RIMS2: variants seen among roughly 807,000 people sequenced by gnomAD.
RIMS2 encodes regulating synaptic membrane exocytosis protein 2.
RIMS2 carries 59 observed loss-of-function variants against 174.4 expected under a neutral mutation model. The ratio of observed to expected loss-of-function variants is 0.34; its 90% CI spans 0.27 to 0.42. The LOEUF is 0.42. Among genes scored for constraint, RIMS2 ranks in the 10% least tolerant of loss-of-function variants. The pLI is 1.00. For missense variants in RIMS2, 1,620 were observed against 1,666.3 expected (o/e 0.97, Z 0.48); for synonymous variants, 606 against 572.5 (o/e 1.06, Z -0.84).
At chr8:104,039,752 C>T (rs2096578024) in intron 19 of RIMS2, among the ~76,000 whole-genome samples, 1 of 151,632 alleles carries the variant, frequency 6.6e-6, no homozygotes, top group Non-Finnish European at 1.5e-5. Flanking sequence ...CTGTGATTAT[C>T]CTACCTTATT....
At chr8:104,087,872 C>G (rs933019901) in intron 19 of RIMS2, among the ~76,000 whole-genome samples, 1 of 152,146 alleles carries the variant, frequency 6.6e-6, no homozygotes, top group East Asian at 1.9e-4. Flanking sequence ...TCGTTAGGCT[C>G]AGCTTTACTG....
intron 1 of RIMS2, among the ~76,000 whole-genome samples, chr8:103,597,546 A>G (rs2094525143): frequency 6.6e-6 from 1 of 151,970 alleles, no homozygotes; most frequent in Non-Finnish European, 1.5e-5. Context: ...CTCTCTGCTT[A>G]CTTAATGTTC....
intron 19 of RIMS2, among the ~76,000 whole-genome samples, chr8:104,208,454 G>A (rs966770706): frequency 6.6e-6 from 1 of 151,964 alleles, no homozygotes; most frequent in Non-Finnish European, 1.5e-5. Context: ...TGTAATCCCA[G>A]CTACTCGGGA....
chr8:104,182,352 A>C (rs780152397), intron 19 of RIMS2, among the ~76,000 whole-genome samples: 1 of 151,826 alleles, frequency 6.6e-6, no homozygotes, highest in Non-Finnish European at 1.5e-5. Context: ...ATTTAGAAAA[A>C]TATCTTATTT....
At chr8:104,196,310 G>A (rs895339162) in intron 19 of RIMS2, among the ~76,000 whole-genome samples, 2 of 151,818 alleles carry the variant, frequency 1.3e-5, no homozygotes, top group East Asian at 3.9e-4. Context: ...TTCACTGATC[G>A]ATTCTGAAAC....
At chr8:104,108,759 T>G (rs780599515) in intron 19 of RIMS2, among the ~76,000 whole-genome samples, 1 of 152,210 alleles carries the variant, frequency 6.6e-6, no homozygotes, top group Non-Finnish European at 1.5e-5. Flanking sequence ...GATATATAGT[T>G]GTCTGAAGAC....
chr8:104,200,161 T>G (rs2099047374), intron 19 of RIMS2, among the ~76,000 whole-genome samples: 1 of 151,794 alleles, frequency 6.6e-6, no homozygotes, highest in African/African-American at 2.4e-5. Context: ...TGGATCCAAA[T>G]GAAGAGAAAT....
At chr8:103,876,988 T>TTTGTAA (rs2099144432) in intron 3 of RIMS2, among the ~76,000 whole-genome samples, 2 of 146,538 alleles carry the variant, frequency 1.4e-5, no homozygotes, top group Non-Finnish European at 3.0e-5. Flanking sequence ...GTTCCATATT[T>TTTGTAA]TTGTAATTGT....
At chr8:103,972,022 C>T (rs907825348) in intron 15 of RIMS2, among the ~76,000 whole-genome samples, 12 of 152,132 alleles carry the variant, frequency 7.9e-5, no homozygotes, top group African/African-American at 2.7e-4. Context: ...CTCTATCTTA[C>T]TCCTTCTCCT....
intron 4 of RIMS2, among the ~76,000 whole-genome samples, chr8:103,898,748 A>T (rs1445570193): frequency 6.6e-6 from 1 of 151,192 alleles, no homozygotes; most frequent in African/African-American, 2.5e-5. Context: ...TTATACTTTA[A>T]GTTCTAGGGT....
intron 1 of RIMS2, among the ~76,000 whole-genome samples, chr8:103,621,521 G>T (rs796520731): frequency 1.5e-4 from 23 of 152,286 alleles, no homozygotes; most frequent in African/African-American, 5.1e-4. Context: ...AGCATGCCAG[G>T]GCAAATATTT....
chr8:103,975,709 A>T (rs2093355930), intron 16 of RIMS2: 3 of 410,038 alleles, frequency 7.3e-6, no homozygotes, highest in Non-Finnish European at 1.3e-5. Flanking sequence ...TCCAAGTGTG[A>T]GTCCATTTTG....
intron 23 of RIMS2, 46 bp from the exon 30 acceptor site, chr8:104,251,556 G>C (rs1246763783): frequency 2.0e-6 from 2 of 987,060 alleles, no homozygotes; most frequent in Admixed American, 1.7e-5. Flanking sequence ...GTTTTTCTAT[G>C]TACACAGTTA....
chr8:104,024,262 T>G (rs965869365), intron 19 of RIMS2, among the ~76,000 whole-genome samples: 3 of 152,172 alleles, frequency 2.0e-5, no homozygotes, highest in African/African-American at 7.2e-5. Context: ...TTGCTTGTAG[T>G]TTACCAAGAT....
At chr8:103,636,803 C>A (rs151004650) in intron 1 of RIMS2, among the ~76,000 whole-genome samples, 1 of 74,178 alleles carries the variant, frequency 1.3e-5, no homozygotes, top group Non-Finnish European at 2.7e-5. Context: ...CCCCCCCCCA[C>A]ACACACACAC....
intron 1 of RIMS2, among the ~76,000 whole-genome samples, chr8:103,506,396 C>T (rs916105261): frequency 3.9e-5 from 6 of 152,120 alleles, no homozygotes; most frequent in African/African-American, 1.2e-4. Context: ...TTTGACTTGA[C>T]ACCTTACTTT....
At chr8:103,988,931 G>A (rs2094525246) in intron 16 of RIMS2, among the ~76,000 whole-genome samples, 1 of 152,156 alleles carries the variant, frequency 6.6e-6, no homozygotes, top group Non-Finnish European at 1.5e-5. Context: ...GTATGCAAAT[G>A]TGTCTAACAC....
At position 103,896,163 on chromosome 8, in the gene RIMS2, C is replaced by T. The variant is rs1166798756; in HGVS notation, c.1624+9940C>T. Among the ~76,000 whole-genome samples the T allele has an allele frequency of 2.0e-5, 3 of 151,580 alleles. 1 individual carries two copies. Among genetic ancestry groups the T allele is most frequent in the African/African-American group, 7.3e-5 (3 of 40,980 alleles). On this transcript the variant is annotated intron_variant, in intron 4 of 23. Coordinates refer to ENST00000504942, the Ensembl canonical transcript of RIMS2. Reference sequence around the variant, plus strand: ...AAATTTCTGACTGGTCTGCTTCACCCTTTGTTGGACCACGCCTTAGGCTAG... The same window carrying T: ...AAATTTCTGACTGGTCTGCTTCACCTTTTGTTGGACCACGCCTTAGGCTAG...
chr8:103,967,792 C>T (rs1228415105), intron 15 of RIMS2, among the ~76,000 whole-genome samples: 1 of 150,800 alleles, frequency 6.6e-6, no homozygotes, highest in East Asian at 1.9e-4. Flanking sequence ...TTCTTTATCC[C>T]TGATAACTTT....
Sources: allele counts gnomAD v4.1 joint callset (sites outside exome capture counted in the v4.1 genomes callset), GRCh38; gene constraint gnomAD v4.1.1; transcripts MANE v1.5; gene names NCBI Gene and HGNC (gene_info 2026-07-23, HGNC 2026-07-21).